SLC9A9: variants seen among roughly 807,000 people sequenced by gnomAD.
The protein encoded by SLC9A9 is sodium/hydrogen exchanger 9.
In SLC9A9, 62 loss-of-function variants were observed where a neutral mutation model predicts 77.8. The ratio of observed to expected loss-of-function variants is 0.80; its 90% CI spans 0.65 to 0.98. The LOEUF is 0.98. SLC9A9 is among the 50% of genes least tolerant of loss of function. The pLI is 0.00. For synonymous variants in SLC9A9, 320 were observed against 283.5 expected (o/e 1.13, Z -1.29); for missense variants, 775 against 774.9 (o/e 1.00, Z 0.00).
At chr3:143,569,653 C>A (rs1219179105) in intron 8 of SLC9A9, among the ~76,000 whole-genome samples, 1 of 151,902 alleles carries the variant, frequency 6.6e-6, no homozygotes, top group East Asian at 1.9e-4. Context: ...TCTAAGGAGG[C>A]AATACAATTA....
intron 12 of SLC9A9, among the ~76,000 whole-genome samples, chr3:143,396,702 G>A (rs968118683): frequency 6.6e-6 from 1 of 152,132 alleles, no homozygotes. Context: ...AGATATTGTT[G>A]TCTTTGCTAC....
intron 6 of SLC9A9, among the ~76,000 whole-genome samples, chr3:143,623,483 TG>T (rs1293293540): frequency 6.6e-6 from 1 of 152,150 alleles, no homozygotes. Flanking sequence ...CTCAACTACA[TG>T]CAAACTGAAC....
chr3:143,685,352 C>T (rs1279951040), intron 5 of SLC9A9, among the ~76,000 whole-genome samples: 3 of 151,888 alleles, frequency 2.0e-5, no homozygotes, highest in Non-Finnish European at 2.9e-5. Flanking sequence ...ACATGTATCT[C>T]GTAAGTATCA....
intron 13 of SLC9A9, among the ~76,000 whole-genome samples, chr3:143,376,236 A>C (rs1162670891): frequency 6.6e-6 from 1 of 152,160 alleles, no homozygotes; most frequent in Non-Finnish European, 1.5e-5. Flanking sequence ...TACTCTCGAT[A>C]GGGTTGGGAA....
intron 14 of SLC9A9, among the ~76,000 whole-genome samples, chr3:143,270,809 T>C (rs1484050785): frequency 3.9e-5 from 6 of 152,222 alleles, no homozygotes; most frequent in Non-Finnish European, 7.3e-5. Flanking sequence ...GATTGTGTAA[T>C]GAACACCCTT....
At chr3:143,400,528 G>A (rs2033830804) in intron 12 of SLC9A9, among the ~76,000 whole-genome samples, 1 of 152,028 alleles carries the variant, frequency 6.6e-6, no homozygotes, top group Middle Eastern at 3.2e-3. Context: ...ACATTGGGGA[G>A]TCAGGGCAAA....
chr3:143,339,463 G>A (rs1476352882), intron 14 of SLC9A9, among the ~76,000 whole-genome samples: 1 of 152,078 alleles, frequency 6.6e-6, no homozygotes, highest in East Asian at 1.9e-4. Context: ...TTGAATCCCA[G>A]GCTGCTCATT....
At chr3:143,444,918 C>T (rs1217519566) in intron 12 of SLC9A9, among the ~76,000 whole-genome samples, 2 of 152,158 alleles carry the variant, frequency 1.3e-5, no homozygotes, top group Middle Eastern at 3.2e-3. Context: ...TTCAGGGTTC[C>T]GTCTACCCCT....
chr3:143,731,076 A>G (rs867748772), intron 4 of SLC9A9, among the ~76,000 whole-genome samples: 1 of 152,268 alleles, frequency 6.6e-6, no homozygotes. Context: ...CTCCTCTAGG[A>G]GAGAGAAAAC....
intron 12 of SLC9A9, among the ~76,000 whole-genome samples, chr3:143,396,987 G>C (rs896530514): frequency 6.6e-6 from 1 of 151,612 alleles, no homozygotes. Context: ...GAATAAGCAA[G>C]TACCTGTTCC....
At chr3:143,779,939 T>C (rs1044168383) in intron 4 of SLC9A9, among the ~76,000 whole-genome samples, 5 of 152,244 alleles carry the variant, frequency 3.3e-5, no homozygotes, top group African/African-American at 1.2e-4. Context: ...ATTTACTTTG[T>C]ACTTTTGAGG....
At chr3:143,517,771 C>T in intron 9 of SLC9A9, 9 of 1,598,582 alleles carry the variant, frequency 5.6e-6, no homozygotes, top group Non-Finnish European at 6.8e-6. Flanking sequence ...CACTGGCCCT[C>T]TTGGCATACA....
At chr3:143,486,074 G>T (rs778261549) in intron 11 of SLC9A9, among the ~76,000 whole-genome samples, 23 of 152,184 alleles carry the variant, frequency 1.5e-4, no homozygotes, top group South Asian at 4.2e-4. Flanking sequence ...AAGATTATCA[G>T]CAGATTTCTC....
At chr3:143,325,759 G>A (rs1483726898) in intron 14 of SLC9A9, among the ~76,000 whole-genome samples, 1 of 152,186 alleles carries the variant, frequency 6.6e-6, no homozygotes, top group Non-Finnish European at 1.5e-5. Flanking sequence ...GGATAGCTGT[G>A]GACTATCTAT....
At chr3:143,681,961 C>T (rs1449757087) in intron 5 of SLC9A9, among the ~76,000 whole-genome samples, 5 of 152,180 alleles carry the variant, frequency 3.3e-5, no homozygotes, top group Non-Finnish European at 5.9e-5. Flanking sequence ...CTACCACCAA[C>T]GTCCACAGAT....
intron 2 of SLC9A9, among the ~76,000 whole-genome samples, chr3:143,821,167 C>T (rs1282892811): frequency 6.6e-6 from 1 of 152,162 alleles, no homozygotes; most frequent in Non-Finnish European, 1.5e-5. Context: ...CATTTAAGCA[C>T]CACTTTAAAT....
intron 4 of SLC9A9, among the ~76,000 whole-genome samples, chr3:143,745,436 G>A (rs1326107567): frequency 6.6e-6 from 1 of 152,066 alleles, no homozygotes; most frequent in East Asian, 1.9e-4. Context: ...ATTTTTTAAG[G>A]TTCATTTTTA....
At chr3:143,760,237 G>T (rs926849002) in intron 4 of SLC9A9, among the ~76,000 whole-genome samples, 1 of 151,838 alleles carries the variant, frequency 6.6e-6, no homozygotes, top group African/African-American at 2.4e-5. Context: ...TTTTGTCAAA[G>T]GCCTTTGAAT....
intron 14 of SLC9A9, among the ~76,000 whole-genome samples, chr3:143,341,853 G>A (rs528823990): frequency 1.3e-5 from 2 of 152,284 alleles, no homozygotes; most frequent in Non-Finnish European, 2.9e-5. Flanking sequence ...CAGATTTCAT[G>A]AAGTCTGAAG....
Sources: allele counts gnomAD v4.1 joint callset (sites outside exome capture counted in the v4.1 genomes callset), GRCh38; gene constraint gnomAD v4.1.1; transcripts MANE v1.5; gene names NCBI Gene and HGNC (gene_info 2026-07-23, HGNC 2026-07-21).